RARA: variants seen among roughly 807,000 people sequenced by gnomAD.
The protein encoded by RARA is retinoic acid receptor alpha.
A neutral mutation model predicts 42.8 loss-of-function variants in RARA; 5 were observed. The ratio of observed to expected loss-of-function variants is 0.12; its 90% CI spans 0.06 to 0.25. The LOEUF is 0.25. Among genes scored for constraint, RARA ranks in the 10% least tolerant of loss-of-function variants. The probability of loss-of-function intolerance (pLI) is 1.00; values close to 1 mark genes in which losing one functional copy is unlikely to be tolerated. For synonymous variants in RARA, 256 were observed against 259.5 expected (o/e 0.99, Z 0.13); for missense variants, 402 against 628.7 (o/e 0.64, Z 3.86).
intron 2 of RARA, among the ~76,000 whole-genome samples, chr17:40,332,393 C>T (rs773296235): frequency 3.9e-5 from 6 of 152,202 alleles, no homozygotes; most frequent in Non-Finnish European, 7.4e-5. Context: ...GACTGCACAC[C>T]TTGCCCTGTG....
chr17:40,330,103 G>T (rs1598549252), intron 1 of RARA, among the ~76,000 whole-genome samples: 1 of 152,168 alleles, frequency 6.6e-6, no homozygotes, highest in Non-Finnish European at 1.5e-5. Context: ...TTCATCTTCT[G>T]CCCACCTCCC....
rs778708300 is a variant in RARA, at chr17:40,354,742, ACCT to A, written c.1012+240_1012+242del. On this transcript the variant is annotated intron_variant, in intron 7 of 8. Coordinates refer to ENST00000254066, the MANE Select transcript of RARA (RefSeq NM_000964.4). The surrounding 1 kb of genome is among the most constrained non-coding windows in gnomAD (Gnocchi z 4.5). ...TTTGAGGGTCGGACCAACCAGGGTC[ACCT>A]CCTGGCCGATGCATGACCCTGAGCA... Among the ~76,000 whole-genome samples the A allele has an allele frequency of 6.6e-6, 1 of 152,040 alleles. No homozygotes were observed. The highest frequency in any genetic ancestry group is 1.5e-5 in the Non-Finnish European group (1 of 67,998).
intron 1 of RARA, among the ~76,000 whole-genome samples, chr17:40,316,831 G>A (rs959833443): frequency 2.8e-5 from 4 of 144,076 alleles, no homozygotes; most frequent in African/African-American, 5.0e-5. Context: ...GGCTGGGCGG[G>A]AGGTTCGCAC....
At position 40,320,929 on chromosome 17, in the gene RARA, A is replaced by T. The variant is rs986771416; in HGVS notation, c.-362-9928A>T. 1.3e-5 allele frequency among the ~76,000 whole-genome samples: 2 copies of T among 152,078 alleles called. No homozygotes were observed. Among genetic ancestry groups the T allele is most frequent in the Non-Finnish European group, 1.5e-5 (1 of 68,000 alleles). The stretch of plus-strand genomic sequence containing the variant: ...GGAAGCTGGCAGGGCCCCTGGCAAG[A>T]TGACCAGTGTTGTCTTGACTTACTG... On this transcript the variant is annotated intron_variant, in intron 1 of 8. Transcript: ENST00000254066. This position sits in a 1 kb window ranked among gnomAD's most constrained non-coding sequence, Gnocchi z 4.1.
In RARA at chr17:40,354,217, GGGAGTGCTGGTGC is replaced by G. The variant is rs555475676; in HGVS notation, c.808-71_808-59del. 3,030 of 1,329,478 alleles carry G rather than the reference GGGAGTGCTGGTGC, an allele frequency of 2.3e-3. 62 individuals are homozygous for G. In the South Asian group the frequency reaches 0.033, roughly 14 times the overall value. 82.4% of individuals were successfully genotyped at this position (1,329,478 alleles called of 1,614,324 possible). A position where few individuals can be genotyped will look rare whatever the true frequency, so the allele number is the denominator to read the frequency against. On this transcript the variant is annotated intron_variant, in intron 6 of 8. Transcript: ENST00000254066. The surrounding 1 kb of genome is among the most constrained non-coding windows in gnomAD (Gnocchi z 4.5). ...CCGGCCACCTGCCAGGTGGTCCTCC[GGGAGTGCTGGTGC>G]GGAGTGCTGGTGCCGAGTGCTCAGA... is the stretch of plus-strand genomic sequence containing the variant.
chr17:40,349,609 A>C, intron 3 of RARA, 175 bp from the exon 4 acceptor site: 1 of 716,520 alleles, frequency 1.4e-6, no homozygotes, highest in Non-Finnish European at 2.3e-6. Flanking sequence ...TCTCCTGAGG[A>C]GGATCCTTTT....
rs779952887 is a variant in RARA at position 40,337,776 on chromosome 17, G to C, written c.178+6380G>C. ...TCTGGGTGAGCCCCAGCAGAAGGCA[G>C]AAAGGAGGAGGTTGTGTCCTTCCCT... On this transcript the variant is annotated intron_variant, in intron 2 of 8. Coordinates refer to ENST00000254066, the MANE Select transcript of RARA (RefSeq NM_000964.4). Among the ~76,000 whole-genome samples, 57 of 152,240 alleles carry C rather than the reference G, an allele frequency of 3.7e-4. 1 individual carries two copies. Among genetic ancestry groups the C allele is most frequent in the Non-Finnish European group, 2.1e-4 (14 of 68,042 alleles).
intron 1 of RARA, chr17:40,323,127 G>A: frequency 6.6e-6 from 1 of 152,332 alleles, no homozygotes; most frequent in Non-Finnish European, 1.5e-5. Flanking sequence ...AGTGTGTGTG[G>A]TCTCTGATGC....
chr17:40,354,815 G>A lies in RARA; in HGVS notation c.1012+309G>A, dbSNP rs1052547216. On this transcript the variant is annotated intron_variant, in intron 7 of 8. Transcript: ENST00000254066. The surrounding 1 kb of genome is among the most constrained non-coding windows in gnomAD (Gnocchi z 4.5). ...GCCTCCGTTTCTGTACAGTGGGGGC[G>A]GTAACGGTCTCTAGCTCATGAAGTT... Among the ~76,000 whole-genome samples the A allele has an allele frequency of 6.6e-5, 10 of 152,180 alleles. No individual in the cohort carries two copies. The highest frequency in any genetic ancestry group is 1.7e-4 in the African/African-American group (7 of 41,432).
rs1421745190 is a variant in RARA, at chr17:40,356,169, TAGCCCCAGCCTC to T, written c.1342_1353del (p.Leu448_Ser451del). 6.4e-7 allele frequency: 1 copy of T among 1,551,680 alleles called. No homozygotes were observed. The highest frequency in any genetic ancestry group is 8.7e-7 in the Non-Finnish European group (1 of 1,147,726). On this transcript the variant is annotated inframe_deletion, in exon 9 of 9. Coordinates refer to ENST00000254066, the MANE Select transcript of RARA (RefSeq NM_000964.4). ...GCCTGGCCCCCCCGCCAGGCAGCTG[TAGCCCCAGCCTC>T]AGCCCCAGCTCCAACAGAAGCAGCC...
At chr17:40,342,654 G>A (rs1252296854) in intron 2 of RARA, 1 of 1,562,386 alleles carries the variant, frequency 6.4e-7, no homozygotes, top group Non-Finnish European at 8.7e-7. Flanking sequence ...TGAGTGACGG[G>A]GGCGGCGCGC....
At chr17:40,353,544 C>T (rs2034519444) in intron 6 of RARA, among the ~76,000 whole-genome samples, 2 of 152,166 alleles carry the variant, frequency 1.3e-5, no homozygotes, top group Admixed American at 6.5e-5. Context: ...GCAACTGCTG[C>T]CTCCCGGGTT....
At chr17:40,313,096 C>G (rs1276356163) in intron 1 of RARA, among the ~76,000 whole-genome samples, 2 of 152,136 alleles carry the variant, frequency 1.3e-5, no homozygotes, top group African/African-American at 4.8e-5. Flanking sequence ...GTTTGGGTGG[C>G]CTGTGGCCAC....
intron 1 of RARA, among the ~76,000 whole-genome samples, chr17:40,316,713 T>G (rs1208833580): frequency 6.9e-6 from 1 of 145,798 alleles, no homozygotes; most frequent in Non-Finnish European, 1.5e-5. Context: ...GGAGCGCGGC[T>G]GGGGGGTAAG....
intron 1 of RARA, among the ~76,000 whole-genome samples, chr17:40,309,735 C>T (rs1240144633): frequency 1.3e-5 from 2 of 152,150 alleles, no homozygotes; most frequent in East Asian, 3.9e-4. Context: ...AGGACTTTGC[C>T]CCTACTCCCT....
chr17:40,325,023 C>T (rs1050293908), intron 1 of RARA, among the ~76,000 whole-genome samples: 1 of 152,058 alleles, frequency 6.6e-6, no homozygotes, highest in Admixed American at 6.5e-5. Flanking sequence ...GAGGCCGAGG[C>T]GGGCAGATCA....
chr17:40,312,849 A>C (rs1275290700), intron 1 of RARA, among the ~76,000 whole-genome samples: 1 of 152,138 alleles, frequency 6.6e-6, no homozygotes, highest in African/African-American at 2.4e-5. Context: ...GGCTGTGTTG[A>C]GACCTGAACC....
intron 2 of RARA, among the ~76,000 whole-genome samples, chr17:40,340,636 C>A (rs1022193413): frequency 1.3e-5 from 2 of 152,206 alleles, no homozygotes; most frequent in African/African-American, 4.8e-5. Context: ...TATTTGAGTT[C>A]TTCCCTAATT....
intron 1 of RARA, among the ~76,000 whole-genome samples, chr17:40,329,130 C>T (rs563424910): frequency 4.2e-5 from 6 of 143,690 alleles, no homozygotes; most frequent in Non-Finnish European, 7.4e-5. Flanking sequence ...AGTGGTATCT[C>T]ATTGTGCTTT....
Sources: gnomAD v4.1 joint callset for allele counts (sites outside exome capture counted in the v4.1 genomes callset) on GRCh38, gnomAD v4.1.1 for gene constraint, Gnocchi (gnomAD v3.1) non-coding constraint, MANE v1.5 for transcripts, NCBI Gene and HGNC (gene_info 2026-07-23, HGNC 2026-07-21) for gene names.